The following SMTN variants were observed in gnomAD, a reference collection of about 807,000 sequenced individuals.
SMTN encodes the protein smoothelin.
Under a neutral mutation model 102.0 loss-of-function variants are expected in SMTN, and 58 were observed. The ratio of observed to expected loss-of-function variants is 0.57; its 90% CI spans 0.46 to 0.71. The LOEUF (loss-of-function observed/expected upper bound fraction) is 0.71. SMTN is among the 30% of genes least tolerant of loss of function. The pLI, the probability that SMTN is intolerant of heterozygous loss-of-function variation, is 0.00. For synonymous variants in SMTN, 478 were observed against 497.9 expected (o/e 0.96, Z 0.53); for missense variants, 1,185 against 1,241.7 (o/e 0.95, Z 0.69).
At chr22:31,085,809 C>A (rs187749204) in intron 2 of SMTN, among the ~76,000 whole-genome samples, 13 of 152,364 alleles carry the variant, frequency 8.5e-5, no homozygotes, top group Admixed American at 2.6e-4. Context: ...TGTCAGTCTC[C>A]AGCCTTGCCC....
At chr22:31,070,235 C>T (rs1260243077) in intron 1 of SMTN, among the ~76,000 whole-genome samples, 2 of 152,170 alleles carry the variant, frequency 1.3e-5, no homozygotes, top group Non-Finnish European at 2.9e-5. Flanking sequence ...AATGAAGGGT[C>T]GGTGTAATGC....
At chr22:31,090,259 C>T in intron 8 of SMTN, 79 bp downstream of exon 8, 1 of 1,211,044 alleles carries the variant, frequency 8.3e-7, no homozygotes, top group Middle Eastern at 2.2e-4. Flanking sequence ...AGAAAATGGG[C>T]TCTTGTGCCT....
At chr22:31,100,848 C>CG in intron 19 of SMTN, 37 bp from the exon 20 acceptor site, 1 of 901,686 alleles carries the variant, frequency 1.1e-6, no homozygotes. Context: ...CTCCTGCCCC[C>CG]GTCCCCCACC....
chr22:31,093,736 C>A (rs760425368), intron 11 of SMTN: 30 of 1,391,990 alleles, frequency 2.2e-5, no homozygotes, highest in Non-Finnish European at 2.9e-5. Context: ...TGAGCTGGAG[C>A]CCAGCGAGCT....
In SMTN at chr22:31,100,903, G is replaced by A. The variant is rs748234886; in HGVS notation, c.2622G>A (p.Pro874=). Residue 874 remains proline, a synonymous_variant, in exon 20 of 21, where the codon CCG becomes CCA. Coordinates refer to ENST00000333137, the MANE Select transcript of SMTN (RefSeq NM_134269.3). ...FSSAETHADC[P]QLLDTEDMVR... ...TCCCCAGGACCCATGCGGACTGCCC[G>A]CAGCTCCTGGATACAGAGGACATGG... is the stretch of plus-strand genomic sequence containing the variant. The A allele has an allele frequency of 3.0e-5, 39 of 1,310,316 alleles. No homozygotes were observed. Among genetic ancestry groups the A allele is most frequent in the South Asian group, 2.6e-4 (22 of 85,702 alleles). The allele number at this position is 1,310,316 out of a possible 1,614,324, so 81.2% of individuals were successfully genotyped here. A position where few individuals can be genotyped will look rare whatever the true frequency, so the allele number is the denominator to read the frequency against.
rs1283456711 is a variant in SMTN at position 31,097,061 on chromosome 22, G to A, written c.2089+1G>A. Reference sequence around the variant, plus strand: ...TCGAGTTTCGTGAGGCGCTCGGAGAGTAAGGCCACCTGGTGTCGCCCTGTG... The same window carrying A: ...TCGAGTTTCGTGAGGCGCTCGGAGAATAAGGCCACCTGGTGTCGCCCTGTG... On this transcript the variant is annotated splice_donor_variant, in intron 15 of 20. Coordinates refer to ENST00000333137, the MANE Select transcript of SMTN (RefSeq NM_134269.3). LOFTEE classifies it high-confidence loss of function. 2 of 1,613,996 alleles carry A rather than the reference G, an allele frequency of 1.2e-6. No individual in the cohort carries two copies. Among genetic ancestry groups the A allele is most frequent in the Non-Finnish European group, 1.7e-6 (2 of 1,179,934 alleles).
chr22:31,085,027 C>G, intron 2 of SMTN: 2 of 1,504,568 alleles, frequency 1.3e-6, no homozygotes, highest in Non-Finnish European at 1.8e-6. Flanking sequence ...CGCGGGCAGT[C>G]GCTTCCGGCC....
chr22:31,080,501 C>T (rs1286891282), upstream of SMTN: 1 of 152,162 alleles, frequency 6.6e-6, no homozygotes, highest in Non-Finnish European at 1.5e-5. Flanking sequence ...CCATGGAGAC[C>T]CAAGGGCGGC....
chr22:31,101,901 G>C (rs1332569738), intron 20 of SMTN: 1 of 152,104 alleles, frequency 6.6e-6, no homozygotes, highest in Non-Finnish European at 1.5e-5. Context: ...CTCGGATGAG[G>C]CTTGGATGAG....
upstream of SMTN, among the ~76,000 whole-genome samples, chr22:31,078,527 C>T (rs956614352): frequency 6.6e-6 from 1 of 152,242 alleles, no homozygotes; most frequent in African/African-American, 2.4e-5. Flanking sequence ...AGGCCCAGGC[C>T]TCTCTGGTGC....
At chr22:31,094,817 G>A (rs2043443918) in intron 11 of SMTN, among the ~76,000 whole-genome samples, 2 of 152,098 alleles carry the variant, frequency 1.3e-5, no homozygotes, top group South Asian at 2.1e-4. Flanking sequence ...GAGTAGGTGG[G>A]ACTACAGGTG....
At chr22:31,076,473 CCCCT>C (rs1457857567), upstream of SMTN, among the ~76,000 whole-genome samples, 5 of 152,238 alleles carry the variant, frequency 3.3e-5, no homozygotes, top group Non-Finnish European at 5.9e-5. Context: ...CAAATGACTT[CCCCT>C]CTCTGAGCCT....
intron 2 of SMTN, among the ~76,000 whole-genome samples, chr22:31,086,327 A>G (rs2042698314): frequency 1.3e-5 from 2 of 152,214 alleles, no homozygotes; most frequent in Admixed American, 6.5e-5. Context: ...GGCTCAGGTC[A>G]TTTGACCATG....
intron 8 of SMTN, among the ~76,000 whole-genome samples, chr22:31,090,525 C>G (rs1245299521): frequency 6.6e-6 from 1 of 152,146 alleles, no homozygotes; most frequent in Non-Finnish European, 1.5e-5. Context: ...GATCTGGGCA[C>G]CCTTCCTCCA....
Position 31,104,504 on chromosome 22 carries a change from G to A in SMTN, c.*209G>A, listed in dbSNP as rs777919192. 12 of 1,603,726 alleles carry A rather than the reference G, an allele frequency of 7.5e-6. No homozygotes were observed. Among genetic ancestry groups the A allele is most frequent in the East Asian group, 2.2e-5 (1 of 44,784 alleles). ...CATGGCCAGCCAGTGGCAAGCTGCC[G>A]CCCCCACTCTCCGGGCACCGTCTCC... On this transcript the variant is annotated 3_prime_UTR_variant, in exon 21 of 21. Transcript: ENST00000333137.
At chr22:31,092,603 G>A (rs1451919553) in intron 11 of SMTN, 7 of 464,994 alleles carry the variant, frequency 1.5e-5, no homozygotes, top group Admixed American at 1.4e-4. Context: ...CCAGCTTTGG[G>A]CCTTCTCAGG....
chr22:31,091,598 G>C, intron 10 of SMTN, 77 bp from the exon 11 acceptor site: 1 of 1,518,256 alleles, frequency 6.6e-7, no homozygotes, highest in Non-Finnish European at 8.9e-7. Flanking sequence ...TGCTGGGAGC[G>C]AGGGCATTAT....
intron 13 of SMTN, chr22:31,096,108 C>T (rs1247294600): frequency 3.3e-5 from 6 of 180,264 alleles, no homozygotes; most frequent in Admixed American, 3.2e-4. Flanking sequence ...TGCTTCTCCT[C>T]TCAAACACTC....
intron 2 of SMTN, 52 bp downstream of exon 2, chr22:31,083,361 C>T (rs1348886517): frequency 6.7e-7 from 1 of 1,494,238 alleles, no homozygotes; most frequent in East Asian, 2.4e-5. Flanking sequence ...GCCAGAGAGG[C>T]AGGGTCAATC....
Sources: allele counts gnomAD v4.1 joint callset (sites outside exome capture counted in the v4.1 genomes callset), GRCh38; gene constraint gnomAD v4.1.1; transcripts MANE v1.5; gene names NCBI Gene and HGNC (gene_info 2026-07-23, HGNC 2026-07-21).